Variants in TCF20 observed in about 807,000 individuals in gnomAD.
The protein encoded by TCF20 is transcription factor 20, also known as SPRE-binding protein.
In TCF20, 3 loss-of-function variants were observed where a neutral mutation model predicts 148.6. That is an observed-to-expected ratio of 0.02 (90% confidence interval 0.01 to 0.05). The LOEUF (loss-of-function observed/expected upper bound fraction) is 0.05, where lower values mean the gene tolerates loss of function less well. Among genes scored for constraint, TCF20 ranks in the 10% least tolerant of loss-of-function variants. The pLI, the probability that TCF20 is intolerant of heterozygous loss-of-function variation, is 1.00. For synonymous variants in TCF20, 1,049 were observed against 909.5 expected (o/e 1.15, Z -2.76); for missense variants, 2,350 against 2,429.3 (o/e 0.97, Z 0.69).
At chr22:42,179,490 CAAAAAA>C (rs57857271) in intron 3 of TCF20, 113 bp downstream of exon 3, 251 of 372,542 alleles carry the variant, frequency 6.7e-4, no homozygotes, top group South Asian at 1.7e-3. Context: ...TATGAAGTGA[CAAAAAA>C]AAAAAAAAAA....
intron 1 of TCF20, among the ~76,000 whole-genome samples, chr22:42,234,759 A>G (rs1601635532): frequency 6.6e-6 from 1 of 152,232 alleles, no homozygotes; most frequent in Non-Finnish European, 1.5e-5. Context: ...TAAGTATCCA[A>G]GAAGAGCATC....
chr22:42,219,351 GTC>G (rs1428056478), intron 1 of TCF20, among the ~76,000 whole-genome samples: 1 of 22,314 alleles, frequency 4.5e-5, no homozygotes, highest in Non-Finnish European at 7.3e-5. Flanking sequence ...CAGTAACCCT[GTC>G]TCAAAAAAAA....
intron 1 of TCF20, among the ~76,000 whole-genome samples, chr22:42,316,107 C>CAAA (rs758537263): frequency 4.5e-4 from 22 of 48,530 alleles, no homozygotes; most frequent in African/African-American, 8.9e-4. Context: ...GACTCTGTCT[C>CAAA]AAAAAAAAAA....
At chr22:42,325,443 C>A (rs1348963243) in intron 1 of TCF20, among the ~76,000 whole-genome samples, 2 of 152,246 alleles carry the variant, frequency 1.3e-5, no homozygotes, top group Non-Finnish European at 2.9e-5. Context: ...ACCACCCTTT[C>A]CTGCCCAGTA....
At chr22:42,174,689 G>A (rs1054688983) in intron 3 of TCF20, among the ~76,000 whole-genome samples, 1 of 152,034 alleles carries the variant, frequency 6.6e-6, no homozygotes, top group Non-Finnish European at 1.5e-5. Context: ...GTCCAGCCTG[G>A]GCAACACAGT....
At chr22:42,341,149 T>C (rs968707086) in intron 1 of TCF20, among the ~76,000 whole-genome samples, 3 of 152,054 alleles carry the variant, frequency 2.0e-5, no homozygotes, top group Non-Finnish European at 4.4e-5. Context: ...CCTCTGCTCC[T>C]TGCCTTTCTG....
rs35107503 is a variant in TCF20 at position 42,317,618 on chromosome 22, A to AG, written c.-37+25860dup. 0.41 allele frequency among the ~76,000 whole-genome samples: 61,870 copies of AG among 151,872 alleles called. 12,980 individuals are homozygous for AG. Among genetic ancestry groups the AG allele is most frequent in the East Asian group, 0.58 (2,962 of 5,140 alleles). ...TGGCCCAAGGCAGCACCCTCAGAGGAGGGCTCTGCTCCTGCATTCCCGCTG... is the reference window on the plus strand; with the variant it reads ...TGGCCCAAGGCAGCACCCTCAGAGGAGGGGCTCTGCTCCTGCATTCCCGCTG... On this transcript the variant is annotated intron_variant, in intron 1 of 1. Coordinates refer to the TCF20 transcript ENST00000515426. This position sits in a 1 kb window ranked among gnomAD's most constrained non-coding sequence, Gnocchi z 4.2.
chr22:42,250,431 A>G (rs1925266684), intron 1 of TCF20, among the ~76,000 whole-genome samples: 2 of 142,176 alleles, frequency 1.4e-5, no homozygotes, highest in Non-Finnish European at 3.0e-5. Context: ...CAGCAACAAC[A>G]GTGAAACTCC....
At chr22:42,238,040 C>A (rs1924037031) in intron 1 of TCF20, among the ~76,000 whole-genome samples, 1 of 152,194 alleles carries the variant, frequency 6.6e-6, no homozygotes, top group South Asian at 2.1e-4. Context: ...TCTTTTGAAG[C>A]CAGGCACTGA....
At chr22:42,269,005 G>A (rs749719369) in intron 1 of TCF20, among the ~76,000 whole-genome samples, 2 of 152,156 alleles carry the variant, frequency 1.3e-5, no homozygotes, top group South Asian at 2.1e-4. Flanking sequence ...CGTCTGACCC[G>A]GGAGTCCTCA....
At chr22:42,314,137 G>C (rs1323099318) in intron 1 of TCF20, among the ~76,000 whole-genome samples, 1 of 152,210 alleles carries the variant, frequency 6.6e-6, no homozygotes, top group Non-Finnish European at 1.5e-5. Flanking sequence ...TGCCCTATAG[G>C]GGCCCCTTGT....
intron 1 of TCF20, among the ~76,000 whole-genome samples, chr22:42,306,582 G>C (rs1156247627): frequency 6.6e-6 from 1 of 152,242 alleles, no homozygotes; most frequent in Admixed American, 6.5e-5. Context: ...CCTCCTCCAG[G>C]CTGGTGGGAG....
chr22:42,249,249 A>C (rs147504155), intron 1 of TCF20, among the ~76,000 whole-genome samples: 1 of 152,280 alleles, frequency 6.6e-6, no homozygotes, highest in Non-Finnish European at 1.5e-5. Flanking sequence ...ATTTGGACTG[A>C]GGTATGCTAC....
At chr22:42,230,794 G>A (rs910148543) in intron 1 of TCF20, among the ~76,000 whole-genome samples, 5 of 151,852 alleles carry the variant, frequency 3.3e-5, no homozygotes, top group Admixed American at 6.6e-5. Context: ...TGTAGGTTTA[G>A]GCTAATGCAT....
At chr22:42,223,061 A>G (rs1033459) in intron 1 of TCF20, among the ~76,000 whole-genome samples, 27,683 of 152,194 alleles carry the variant, frequency 0.18, 2,734 homozygotes, top group East Asian at 0.34. Context: ...AGGCAGGAGG[A>G]TCACTTGAGC....
At chr22:42,236,774 G>A (rs967683020) in intron 1 of TCF20, among the ~76,000 whole-genome samples, 1 of 152,142 alleles carries the variant, frequency 6.6e-6, no homozygotes, top group South Asian at 2.1e-4. Flanking sequence ...GCAATAAAGC[G>A]AGTCACACAA....
chr22:42,211,522 A>C lies in TCF20; in HGVS notation c.3784T>G (p.Ser1262Ala). Residue 1262 changes from serine to alanine, a missense_variant, in exon 2 of 6, where the codon TCT (serine) becomes GCT (alanine). Around this residue, in one of 7 missense-constraint regions of TCF20, gnomAD observed 1,641 missense variants for 1,662.6 expected, o/e 0.99. Coordinates refer to ENST00000677622, the MANE Select transcript of TCF20 (RefSeq NM_001378418.1). ...IMRRRVRSFISPIPSKRQSQD... is the reference protein window; with the variant it reads ...IMRRRVRSFIAPIPSKRQSQD... The stretch of plus-strand genomic sequence containing the variant: ...GACTGTCTCTTACTGGGAATGGGAG[A>C]GATAAAAGAACGAACACGCCTCCTC... 6.2e-7 allele frequency: 1 copy of C among 1,614,070 alleles called. No homozygotes were observed. The highest frequency in any genetic ancestry group is 8.5e-7 in the Non-Finnish European group (1 of 1,180,018).
At chr22:42,225,911 A>G (rs1922847394) in intron 1 of TCF20, among the ~76,000 whole-genome samples, 1 of 152,212 alleles carries the variant, frequency 6.6e-6, no homozygotes, top group Non-Finnish European at 1.5e-5. Flanking sequence ...ATCAGGCCTA[A>G]AGTCAGCTGA....
At chr22:42,193,278 T>A (rs980563557) in intron 2 of TCF20, among the ~76,000 whole-genome samples, 1 of 148,166 alleles carries the variant, frequency 6.7e-6, no homozygotes, top group Non-Finnish European at 1.5e-5. Flanking sequence ...CTCCTCCTCC[T>A]CCACCTACAC....
Sources: allele counts gnomAD v4.1 joint callset (sites outside exome capture counted in the v4.1 genomes callset), GRCh38; gene constraint gnomAD v4.1.1; regional missense constraint gnomAD v4.1.1; non-coding constraint Gnocchi (gnomAD v3.1); transcripts MANE v1.5; gene names NCBI Gene and HGNC (gene_info 2026-07-23, HGNC 2026-07-21).